FBXL17: variants seen among roughly 807,000 people sequenced by gnomAD.
The protein encoded by FBXL17 is F-box and leucine rich repeat protein 17.
FBXL17 carries 22 observed loss-of-function variants against 66.2 expected under a neutral mutation model. That is an observed-to-expected ratio of 0.33 (90% CI 0.24 to 0.47). The LOEUF (loss-of-function observed/expected upper bound fraction) is 0.47, where lower values mean the gene tolerates loss of function less well. FBXL17 is among the 20% of genes least tolerant of loss of function. The probability of loss-of-function intolerance (pLI) is 1.00; values close to 1 mark genes in which losing one functional copy is unlikely to be tolerated. For missense variants in FBXL17, 878 were observed against 948.2 expected, an observed-to-expected ratio of 0.93 and a Z score of 0.97; for synonymous variants, 474 against 400.5, an observed-to-expected ratio of 1.18 and a Z score of -2.19.
chr5:108,009,339 C>CATAT (rs139460194), intron 7 of FBXL17, among the ~76,000 whole-genome samples: 1 of 103,698 alleles, frequency 9.6e-6, no homozygotes, highest in African/African-American at 3.7e-5. Flanking sequence ...TTTTGTTTTT[C>CATAT]ATATATATAT....
At chr5:107,915,755 A>G (rs926062037) in intron 7 of FBXL17, among the ~76,000 whole-genome samples, 2 of 152,196 alleles carry the variant, frequency 1.3e-5, no homozygotes, top group Non-Finnish European at 2.9e-5. Flanking sequence ...TGCCTTGTTC[A>G]ACTGCTAGAA....
chr5:108,206,480 A>G (rs1208638978), intron 5 of FBXL17, among the ~76,000 whole-genome samples: 1 of 152,122 alleles, frequency 6.6e-6, no homozygotes, highest in Non-Finnish European at 1.5e-5. Flanking sequence ...CAACCAACAT[A>G]ATATATGTCA....
chr5:107,871,067 A>C (rs1481769790), intron 8 of FBXL17, among the ~76,000 whole-genome samples: 2 of 150,142 alleles, frequency 1.3e-5, no homozygotes, highest in African/African-American at 4.9e-5. Flanking sequence ...CAAAAAAAAA[A>C]AAAAAAAAAA....
chr5:107,951,572 T>A (rs1479803270), intron 7 of FBXL17, among the ~76,000 whole-genome samples: 1 of 151,908 alleles, frequency 6.6e-6, no homozygotes, highest in African/African-American at 2.4e-5. Flanking sequence ...TATCTTGACG[T>A]ACCTGGCACT....
chr5:108,202,434 T>C (rs1051289404), intron 5 of FBXL17, among the ~76,000 whole-genome samples: 2 of 152,176 alleles, frequency 1.3e-5, no homozygotes, highest in Non-Finnish European at 2.9e-5. Flanking sequence ...CTATTGCTTA[T>C]GTAGATGTTG....
chr5:107,970,951 T>C lies in FBXL17; in HGVS notation c.1822+49974A>G, dbSNP rs371694172. On this transcript the variant is annotated intron_variant, in intron 7 of 8. Transcript: ENST00000542267. ...AAATTGGATTTATGTAAAATTATGATATGCCCGACAGAATCTAGACACAGT... is the reference window on the plus strand; with the variant it reads ...AAATTGGATTTATGTAAAATTATGACATGCCCGACAGAATCTAGACACAGT... Among the ~76,000 whole-genome samples, 19 of 152,136 alleles carry C rather than the reference T, an allele frequency of 1.2e-4. No individual in the cohort carries two copies. In the East Asian group the frequency reaches 1.7e-3, roughly 14 times the overall value.
At chr5:108,276,565 TTTATAATGATCTC>T (rs1580731197) in intron 4 of FBXL17, among the ~76,000 whole-genome samples, 1 of 152,148 alleles carries the variant, frequency 6.6e-6, no homozygotes, top group African/African-American at 2.4e-5. Context: ...TATCCTTCTA[TTTATAATGATCTC>T]TGACAAGCTA....
At chr5:108,363,441 A>G (rs933241317) in intron 3 of FBXL17, among the ~76,000 whole-genome samples, 1 of 151,896 alleles carries the variant, frequency 6.6e-6, no homozygotes, top group Non-Finnish European at 1.5e-5. Flanking sequence ...ACCTAAGGGG[A>G]AAAAAATTTG....
intron 4 of FBXL17, among the ~76,000 whole-genome samples, chr5:108,330,866 C>G (rs1024791993): frequency 6.6e-6 from 1 of 151,908 alleles, no homozygotes; most frequent in African/African-American, 2.4e-5. Context: ...ATTCTATATC[C>G]TGATGAAACC....
intron 6 of FBXL17, among the ~76,000 whole-genome samples, chr5:108,040,538 G>A (rs1440252721): frequency 1.3e-5 from 2 of 152,082 alleles, no homozygotes; most frequent in African/African-American, 2.4e-5. Context: ...ATGGTATCCA[G>A]ATGCAAGCAT....
intron 4 of FBXL17, among the ~76,000 whole-genome samples, chr5:108,323,274 A>G (rs1759701888): frequency 6.6e-6 from 1 of 151,872 alleles, no homozygotes; most frequent in South Asian, 2.1e-4. Flanking sequence ...ATAAAAAAAA[A>G]ACATAAAAAA....
At chr5:108,253,293 A>G (rs1046240508) in intron 4 of FBXL17, among the ~76,000 whole-genome samples, 4 of 152,086 alleles carry the variant, frequency 2.6e-5, no homozygotes, top group Admixed American at 1.3e-4. Flanking sequence ...GTTTTCTGCA[A>G]TGGTAATTCT....
rs1366136295 is a variant in FBXL17 at position 108,105,995 on chromosome 5, G to C, written c.1745+80122C>G. On this transcript the variant is annotated intron_variant, in intron 6 of 8. Coordinates refer to ENST00000542267, the MANE Select transcript of FBXL17 (RefSeq NM_001163315.3). ...TTACTGGATCATCGCCGGAAAGCAAGGGTTAATCCTATTTTAAATAGGGGG... is the reference window on the plus strand; with the variant it reads ...TTACTGGATCATCGCCGGAAAGCAACGGTTAATCCTATTTTAAATAGGGGG... Among the ~76,000 whole-genome samples the C allele has an allele frequency of 5.3e-5, 8 of 152,124 alleles. No homozygotes were observed. The East Asian group carries it at 5.8e-4, about 11-fold the overall frequency.
At chr5:108,264,214 CAAAAAAAAAAAA>C (rs35346820) in intron 4 of FBXL17, among the ~76,000 whole-genome samples, 5 of 55,526 alleles carry the variant, frequency 9.0e-5, no homozygotes, top group South Asian at 1.2e-3. Context: ...GACTCTTTCT[CAAAAAAAAAAAA>C]AAAAAAAAAA....
chr5:108,260,019 C>T (rs1257633535), intron 4 of FBXL17, among the ~76,000 whole-genome samples: 7 of 144,600 alleles, frequency 4.8e-5, no homozygotes, highest in Non-Finnish European at 9.0e-5. Flanking sequence ...TTATAAGAAA[C>T]TTAAAAAAAA....
At chr5:108,053,760 G>GGTCAAAT (rs1186195186) in intron 6 of FBXL17, among the ~76,000 whole-genome samples, 1 of 151,796 alleles carries the variant, frequency 6.6e-6, no homozygotes, top group Non-Finnish European at 1.5e-5. Flanking sequence ...CCCATTAATG[G>GGTCAAAT]GTATATACCC....
intron 1 of FBXL17, among the ~76,000 whole-genome samples, chr5:108,379,336 A>T (rs778501995): frequency 3.3e-5 from 5 of 152,190 alleles, no homozygotes; most frequent in African/African-American, 1.2e-4. Context: ...CAGTGATTTA[A>T]AGGACTCAAG....
At position 107,859,102 on chromosome 5, in the gene FBXL17, C is replaced by T. The variant is rs1561507615; in HGVS notation, c.*2618G>A. ...TCACGGAAATATAGAAACTACAAACCGGGTGAATTTTCTTTATCCACTCAA... is the reference window on the plus strand; with the variant it reads ...TCACGGAAATATAGAAACTACAAACTGGGTGAATTTTCTTTATCCACTCAA... On this transcript the variant is annotated 3_prime_UTR_variant, in exon 9 of 9. Transcript: ENST00000542267. The T allele has an allele frequency of 2.0e-5, 3 of 152,166 alleles. No homozygotes were observed. The highest frequency in any genetic ancestry group is 2.1e-4 in the South Asian group (1 of 4,822). The allele number at this position is 152,166 out of a possible 1,614,324, so 9.4% of individuals were successfully genotyped here. A position where few individuals can be genotyped will look rare whatever the true frequency, so the allele number is the denominator to read the frequency against.
At chr5:108,232,391 G>C (rs1755384822) in intron 4 of FBXL17, among the ~76,000 whole-genome samples, 1 of 151,992 alleles carries the variant, frequency 6.6e-6, no homozygotes, top group Non-Finnish European at 1.5e-5. Context: ...GTTCAAGTTG[G>C]CAAGGGGTGG....
Sources: gnomAD v4.1 joint callset for allele counts (sites outside exome capture counted in the v4.1 genomes callset) on GRCh38, gnomAD v4.1.1 for gene constraint, MANE v1.5 for transcripts, NCBI Gene and HGNC (gene_info 2026-07-23, HGNC 2026-07-21) for gene names.